The following TUBGCP5 variants were observed in gnomAD, a reference collection of about 807,000 sequenced individuals.
TUBGCP5 encodes gamma-tubulin complex component 5.
Under a neutral mutation model 134.7 loss-of-function variants are expected in TUBGCP5, and 98 were observed. That is an observed-to-expected ratio of 0.73 (90% CI 0.62 to 0.86). The LOEUF (loss-of-function observed/expected upper bound fraction) is 0.86, where lower values mean the gene tolerates loss of function less well. Ranked by LOEUF, TUBGCP5 falls within the 40% of genes least tolerant of loss-of-function variation. TUBGCP5 has a pLI of 0.00. For missense variants in TUBGCP5, 1,150 were observed against 1,244.8 expected, an observed-to-expected ratio of 0.92 and a Z score of 1.15; for synonymous variants, 456 against 431.4, an observed-to-expected ratio of 1.06 and a Z score of -0.71.
chr15:23,019,535 C>T (rs149785769), intron 11 of TUBGCP5, among the ~76,000 whole-genome samples: 1,694 of 152,214 alleles, frequency 0.011, 37 homozygotes, highest in African/African-American at 0.038. Context: ...TGGTGGCTCA[C>T]GCCTGTGATC....
chr15:23,003,998 G>T, intron 20 of TUBGCP5, 104 bp downstream of exon 20: 3 of 1,409,252 alleles, frequency 2.1e-6, no homozygotes, highest in South Asian at 1.5e-5. Flanking sequence ...CTTCCTTAAA[G>T]AATATTCTAC....
At chr15:23,036,830 C>G (rs907034058) in intron 3 of TUBGCP5, 67 bp downstream of exon 3, 3 of 1,100,244 alleles carry the variant, frequency 2.7e-6, no homozygotes, top group Non-Finnish European at 4.1e-6. Flanking sequence ...GTAACTGAAA[C>G]AAATTGACGA....
chr15:23,010,247 CAGAAAG>C, intron 14 of TUBGCP5, 114 bp from the exon 15 acceptor site: 1 of 1,166,288 alleles, frequency 8.6e-7, no homozygotes, highest in South Asian at 1.6e-5. Context: ...CCAACTATTA[CAGAAAG>C]AGAAAAATCT....
chr15:23,008,954 TTTTG>T, intron 15 of TUBGCP5, 73 bp from the exon 16 acceptor site: 4 of 1,284,254 alleles, frequency 3.1e-6, no homozygotes, highest in Non-Finnish European at 4.2e-6. Context: ...CAACAACAGG[TTTTG>T]TAACCTGTTT....
intron 3 of TUBGCP5, among the ~76,000 whole-genome samples, chr15:23,035,470 G>A (rs2066536177): frequency 6.6e-6 from 1 of 151,966 alleles, no homozygotes; most frequent in Non-Finnish European, 1.5e-5. Flanking sequence ...GGATGAAACT[G>A]TTCCACCTCA....
At chr15:22,996,001 T>C (rs1440200904), downstream of TUBGCP5, among the ~76,000 whole-genome samples, 1 of 152,218 alleles carries the variant, frequency 6.6e-6, no homozygotes, top group East Asian at 1.9e-4. Context: ...GTGCATATAC[T>C]TCAGTGTTGA....
At chr15:23,012,449 CAGGCTGG>C (rs1406372898) in intron 13 of TUBGCP5, among the ~76,000 whole-genome samples, 1 of 152,082 alleles carries the variant, frequency 6.6e-6, no homozygotes, top group African/African-American at 2.4e-5. Flanking sequence ...ACTCTGTCAC[CAGGCTGG>C]AGTGCAGTGG....
chr15:22,995,077 C>T (rs1235823596), downstream of TUBGCP5, among the ~76,000 whole-genome samples: 2 of 152,052 alleles, frequency 1.3e-5, no homozygotes, highest in Non-Finnish European at 2.9e-5. Flanking sequence ...GACCCCATCT[C>T]TATTAAAAAT....
intron 6 of TUBGCP5, among the ~76,000 whole-genome samples, chr15:23,029,371 G>A (rs1192618924): frequency 4.6e-5 from 7 of 152,080 alleles, no homozygotes; most frequent in Non-Finnish European, 7.4e-5. Flanking sequence ...ACAGGCATGC[G>A]CCACTATGCC....
In TUBGCP5 at chr15:23,039,457, G is replaced by A; in HGVS notation, c.87C>T (p.Leu29=). The A allele has an allele frequency of 6.5e-7, 1 of 1,548,456 alleles. No individual in the cohort carries two copies. Among genetic ancestry groups the A allele is most frequent in the Non-Finnish European group, 8.7e-7 (1 of 1,144,982 alleles). ...VRELVRGVAG[L]QDEADPNFQL... ...GGAAGTTGGGGTCTGCCTCGTCCTG[G>A]AGGCCGGCGACACCCCGGACGAGCT... The change falls in exon 1 of 23, where the codon CTC becomes CTT. Residue 29 remains leucine, a synonymous_variant. Coordinates refer to ENST00000615383, the MANE Select transcript of TUBGCP5 (RefSeq NM_052903.6).
In TUBGCP5 at chr15:23,030,999, C is replaced by G; in HGVS notation, c.508G>C (p.Glu170Gln). ...DTPNWSEESE[E>Q]ENDQQPLSRE... is the part of the protein sequence containing the mutation. ...CTTAAGGGCTGTTGATCATTTTCCT[C>G]TTCACTTTCTTCAGACCAATTCTGA... Residue 170 changes from glutamate to glutamine, a missense_variant, in exon 6 of 23, where the codon GAG (glutamate) becomes CAG (glutamine). By Grantham distance (29) the Glu-to-Gln change is conservative (BLOSUM62 2). This residue lies in a region of TUBGCP5 where 453 missense variants were observed against 394.7 expected (regional missense o/e 1.15). Transcript: ENST00000615383. The G allele has an allele frequency of 6.2e-7, 1 of 1,612,838 alleles. No homozygotes were observed. The highest frequency in any genetic ancestry group is 8.5e-7 in the Non-Finnish European group (1 of 1,179,730).
At chr15:22,993,557 T>TTTTTTTTTTTTA (rs2063932615) in intron 23 of TUBGCP5, among the ~76,000 whole-genome samples, 3 of 123,262 alleles carry the variant, frequency 2.4e-5, no homozygotes, top group Admixed American at 7.9e-5. Context: ...TTTTTTTTTT[T>TTTTTTTTTTTTA]AATATGAGAC....
At chr15:23,037,074 T>G in intron 2 of TUBGCP5, 25 bp downstream of exon 2, 1 of 1,607,404 alleles carries the variant, frequency 6.2e-7, no homozygotes, top group Non-Finnish European at 8.5e-7. Context: ...TATTTCTGGA[T>G]GCGTATATAT....
At chr15:23,006,603 T>C (rs2064729447) in intron 16 of TUBGCP5, among the ~76,000 whole-genome samples, 1 of 152,094 alleles carries the variant, frequency 6.6e-6, no homozygotes, top group Non-Finnish European at 1.5e-5. Context: ...ACAATGGTAG[T>C]AATTAGAAAA....
chr15:23,038,873 G>C (rs992894627), intron 1 of TUBGCP5, among the ~76,000 whole-genome samples: 2 of 152,152 alleles, frequency 1.3e-5, no homozygotes, highest in Admixed American at 1.3e-4. Context: ...GAGCTGTGCA[G>C]AGATGCAGCA....
chr15:23,023,785 T>C (rs1190691646), intron 10 of TUBGCP5, 162 bp downstream of exon 10: 1 of 657,406 alleles, frequency 1.5e-6, no homozygotes, highest in Non-Finnish European at 2.3e-6. Flanking sequence ...TTTAGAGATA[T>C]GAATGGCTTA....
At chr15:22,990,754 GTTC>G (rs1467736939) in intron 23 of TUBGCP5, among the ~76,000 whole-genome samples, 1 of 152,186 alleles carries the variant, frequency 6.6e-6, no homozygotes, top group Admixed American at 6.5e-5. Flanking sequence ...GCAGATCTAA[GTTC>G]TTGAGATGGG....
chr15:22,987,828 A>AGAG (rs1221936679), intron 23 of TUBGCP5, among the ~76,000 whole-genome samples: 1 of 142,152 alleles, frequency 7.0e-6, no homozygotes, highest in Admixed American at 7.3e-5. Context: ...CCCGGGAGGC[A>AGAG]GAGTTTGCAG....
intron 3 of TUBGCP5, among the ~76,000 whole-genome samples, chr15:23,035,263 G>A (rs2066518850): frequency 6.7e-6 from 1 of 149,544 alleles, no homozygotes. Flanking sequence ...TGGGAAGTGG[G>A]GGTTGCAATG....
Sources: gnomAD v4.1 joint callset for allele counts (sites outside exome capture counted in the v4.1 genomes callset) on GRCh38, gnomAD v4.1.1 for gene constraint, gnomAD v4.1.1 regional missense constraint, MANE v1.5 for transcripts, NCBI Gene and HGNC (gene_info 2026-07-23, HGNC 2026-07-21) for gene names.